Variants in MTCL2 observed in about 807,000 individuals in gnomAD.
The protein encoded by MTCL2 is microtubule crosslinking factor 2, also known as microtubule cross-linking factor 2.
chr20:36,819,047 A>G, the MTCL2 span, among the ~76,000 whole-genome samples: 1 of 151,878 alleles, frequency 6.6e-6, no homozygotes, highest in South Asian at 2.1e-4. Context: ...CTGACGACAT[A>G]TTCTATTGGT....
At chr20:36,830,991 C>G in the MTCL2 span, among the ~76,000 whole-genome samples, 1 of 152,120 alleles carries the variant, frequency 6.6e-6, no homozygotes, top group Non-Finnish European at 1.5e-5. Context: ...CCAAGTCATC[C>G]CTACAGAAAG....
the MTCL2 span, chr20:36,786,407 CA>C: frequency 6.9e-7 from 1 of 1,439,686 alleles, no homozygotes; most frequent in Non-Finnish European, 9.1e-7. Context: ...CCCCTCGCCT[CA>C]CCTCGTCTCG....
At chr20:36,802,447 C>T in the MTCL2 span, among the ~76,000 whole-genome samples, 5 of 152,230 alleles carry the variant, frequency 3.3e-5, no homozygotes, top group African/African-American at 9.6e-5. Flanking sequence ...TGATTGGAGG[C>T]CTCCCAATTT....
At chr20:36,839,504 T>C in the MTCL2 span, 16 of 1,490,252 alleles carry the variant, frequency 1.1e-5, no homozygotes, top group Non-Finnish European at 1.4e-5. This position sits in a 1 kb window ranked among gnomAD's most constrained non-coding sequence, Gnocchi z 5.1. Context: ...GCCGGAGTAC[T>C]GGCCACACCT....
the MTCL2 span, among the ~76,000 whole-genome samples, chr20:36,827,894 T>C: frequency 6.6e-6 from 1 of 152,076 alleles, no homozygotes; most frequent in South Asian, 2.1e-4. Context: ...GGCCAGGCCA[T>C]GGGGGTGGGC....
the MTCL2 span, chr20:36,794,718 C>T: frequency 7.6e-6 from 10 of 1,310,444 alleles, no homozygotes; most frequent in East Asian, 9.5e-5. The surrounding 1 kb of genome is among the most constrained non-coding windows in gnomAD (Gnocchi z 5.4). Context: ...GTCTTGTTCA[C>T]CTCTTGTAGA....
At chr20:36,852,827 C>T in the MTCL2 span, among the ~76,000 whole-genome samples, 6 of 152,160 alleles carry the variant, frequency 3.9e-5, no homozygotes, top group South Asian at 1.0e-3. Context: ...GAGGCTGAGG[C>T]GGGTGGATCA....
chr20:36,815,816 G>T, the MTCL2 span: 2 of 1,594,398 alleles, frequency 1.3e-6, no homozygotes, highest in East Asian at 2.3e-5. The surrounding 1 kb of genome is among the most constrained non-coding windows in gnomAD (Gnocchi z 5.3). Context: ...TGGCCAGCTC[G>T]TTCAGCAGCA....
the MTCL2 span, among the ~76,000 whole-genome samples, chr20:36,827,457 A>G: frequency 6.8e-6 from 1 of 146,410 alleles, no homozygotes. Context: ...TCCACTTCCT[A>G]AGTAGCTGGG....
chr20:36,791,994 T>C, the MTCL2 span, among the ~76,000 whole-genome samples: 1 of 152,218 alleles, frequency 6.6e-6, no homozygotes. Flanking sequence ...AATTAACTTA[T>C]AAGAAACTGA....
At chr20:36,783,814 C>G in the MTCL2 span, 1 of 984,932 alleles carries the variant, frequency 1.0e-6, no homozygotes, top group Admixed American at 6.2e-5. Context: ...CAAACCAATC[C>G]CCCCACCCCA....
chr20:36,836,998 C>G, the MTCL2 span, among the ~76,000 whole-genome samples: 1 of 152,190 alleles, frequency 6.6e-6, no homozygotes, highest in Non-Finnish European at 1.5e-5. Flanking sequence ...GGCTATAGGG[C>G]TTGAGTTTGC....
chr20:36,839,392 T>C, the MTCL2 span: 2 of 1,613,500 alleles, frequency 1.2e-6, no homozygotes, highest in Non-Finnish European at 8.5e-7. This position sits in a 1 kb window ranked among gnomAD's most constrained non-coding sequence, Gnocchi z 5.1. Flanking sequence ...CTCCTCCATA[T>C]AGACGTCCCG....
chr20:36,821,765 A>C, the MTCL2 span, among the ~76,000 whole-genome samples: 6 of 152,212 alleles, frequency 3.9e-5, no homozygotes, highest in African/African-American at 1.4e-4. Context: ...ATACACATAT[A>C]TGTATACATA....
chr20:36,842,054 G>C, the MTCL2 span, among the ~76,000 whole-genome samples: 1 of 152,134 alleles, frequency 6.6e-6, no homozygotes, highest in Non-Finnish European at 1.5e-5. Context: ...TAAGCAGAGA[G>C]GGTAAGAGTA....
At chr20:36,844,843 A>G in the MTCL2 span, among the ~76,000 whole-genome samples, 44,758 of 151,856 alleles carry the variant, frequency 0.29, 7,459 homozygotes, top group Middle Eastern at 0.42. Context: ...CAACTTGGTG[A>G]AACCCTGTCT....
the MTCL2 span, chr20:36,817,579 G>T: frequency 2.0e-6 from 2 of 1,024,482 alleles, no homozygotes; most frequent in Non-Finnish European, 2.8e-6. Context: ...GAGGGCCCCA[G>T]TCCCCAGGCC....
At chr20:36,823,395 C>T in the MTCL2 span, among the ~76,000 whole-genome samples, 13 of 152,158 alleles carry the variant, frequency 8.5e-5, no homozygotes, top group African/African-American at 2.4e-4. Context: ...GCAGCCCTCA[C>T]GGTGGTTGTG....
At chr20:36,832,105 C>T in the MTCL2 span, among the ~76,000 whole-genome samples, 1 of 152,224 alleles carries the variant, frequency 6.6e-6, no homozygotes, top group African/African-American at 2.4e-5. Context: ...GTTGGATGAA[C>T]AAATAAATCC....
Sources: gnomAD v4.1 joint callset for allele counts (sites outside exome capture counted in the v4.1 genomes callset) on GRCh38, gnomAD v4.1.1 for gene constraint, Gnocchi (gnomAD v3.1) non-coding constraint, MANE v1.5 for transcripts, NCBI Gene and HGNC (gene_info 2026-07-23, HGNC 2026-07-21) for gene names.